The following KCNN2 variants were observed in gnomAD, a reference collection of about 807,000 sequenced individuals.
KCNN2 encodes small conductance calcium-activated potassium channel protein 2.
In KCNN2, 24 loss-of-function variants were observed where a neutral mutation model predicts 55.5. The observed-to-expected ratio is 0.43, with a 90% CI of 0.31 to 0.61. The LOEUF is 0.61. Ranked by LOEUF, KCNN2 falls within the 20% of genes least tolerant of loss-of-function variation. KCNN2 has a pLI of 0.08. For synonymous variants in KCNN2, 431 were observed against 336.1 expected (o/e 1.28, Z -3.09); for missense variants, 754 against 853.6 (o/e 0.88, Z 1.45).
At chr5:114,372,206 G>T (rs116518478) in intron 2 of KCNN2, among the ~76,000 whole-genome samples, 4,481 of 152,216 alleles carry the variant, frequency 0.029, 220 homozygotes, top group African/African-American at 0.1. Flanking sequence ...GTTCTTACTT[G>T]GTTTGGATAC....
At chr5:114,133,081 G>T (rs976194219) in intron 1 of KCNN2, among the ~76,000 whole-genome samples, 1 of 152,096 alleles carries the variant, frequency 6.6e-6, no homozygotes, top group East Asian at 1.9e-4. Flanking sequence ...GTTATTTTTT[G>T]TGGTTTTACT....
chr5:114,166,239 C>T (rs1752908975), intron 1 of KCNN2, among the ~76,000 whole-genome samples: 1 of 152,088 alleles, frequency 6.6e-6, no homozygotes, highest in African/African-American at 2.4e-5. Flanking sequence ...TCTTTTGCAT[C>T]TGGCAAAGCC....
intron 2 of KCNN2, among the ~76,000 whole-genome samples, chr5:114,290,766 A>G (rs2150017407): frequency 6.6e-6 from 1 of 152,172 alleles, no homozygotes. Flanking sequence ...TGTATTCCCT[A>G]AGTTTCTTTA....
At chr5:114,182,940 T>C (rs1209670326) in intron 1 of KCNN2, among the ~76,000 whole-genome samples, 1 of 152,092 alleles carries the variant, frequency 6.6e-6, no homozygotes, top group South Asian at 2.1e-4. Context: ...TTACCTTTTT[T>C]CACAACATAG....
At chr5:114,159,382 A>T (rs1033107310) in intron 1 of KCNN2, among the ~76,000 whole-genome samples, 3 of 151,956 alleles carry the variant, frequency 2.0e-5, no homozygotes, top group African/African-American at 7.3e-5. Flanking sequence ...AAGCTTTTGG[A>T]TGTGTTGCTG....
chr5:114,069,490 A>G (rs1342123230), intron 1 of KCNN2, among the ~76,000 whole-genome samples: 1 of 151,990 alleles, frequency 6.6e-6, no homozygotes, highest in African/African-American at 2.4e-5. Flanking sequence ...AGCCTTTTAA[A>G]CCATTTGGGG....
intron 1 of KCNN2, among the ~76,000 whole-genome samples, chr5:114,092,721 C>T (rs957397667): frequency 1.3e-5 from 2 of 152,192 alleles, no homozygotes; most frequent in East Asian, 3.9e-4. Context: ...CCCACAGGCC[C>T]AACACCACTT....
intron 1 of KCNN2, among the ~76,000 whole-genome samples, chr5:114,179,723 C>G (rs1350436523): frequency 6.6e-6 from 1 of 152,098 alleles, no homozygotes; most frequent in Non-Finnish European, 1.5e-5. Context: ...CACTAGCCAC[C>G]CATTTCCTCA....
chr5:114,488,771 C>T (rs749493235), intron 6 of KCNN2, among the ~76,000 whole-genome samples: 7 of 152,144 alleles, frequency 4.6e-5, no homozygotes, highest in African/African-American at 7.2e-5. Context: ...ACACAGTAAC[C>T]CCAACACATT....
chr5:114,152,344 T>G (rs1752545533), intron 1 of KCNN2, among the ~76,000 whole-genome samples: 3 of 152,228 alleles, frequency 2.0e-5, no homozygotes. Context: ...GTCATACTAT[T>G]CTTGAAAATA....
At chr5:114,428,014 G>A (rs1759680085) in intron 3 of KCNN2, among the ~76,000 whole-genome samples, 1 of 152,168 alleles carries the variant, frequency 6.6e-6, no homozygotes, top group Non-Finnish European at 1.5e-5. Context: ...GAAGGTAAAG[G>A]AGAAAAGCTG....
intron 2 of KCNN2, among the ~76,000 whole-genome samples, chr5:114,286,351 C>T (rs1561555506): frequency 6.6e-6 from 1 of 151,996 alleles, no homozygotes; most frequent in Non-Finnish European, 1.5e-5. Context: ...AAAGGATGCT[C>T]AACATGTTAG....
At chr5:114,457,249 C>G (rs115151066) in intron 3 of KCNN2, among the ~76,000 whole-genome samples, 3,198 of 152,222 alleles carry the variant, frequency 0.021, 109 homozygotes, top group African/African-American at 0.072. Context: ...AGGCAAGACC[C>G]TCCACCAGAA....
At chr5:114,341,605 A>G (rs1757015927) in intron 2 of KCNN2, among the ~76,000 whole-genome samples, 1 of 152,164 alleles carries the variant, frequency 6.6e-6, no homozygotes, top group African/African-American at 2.4e-5. Flanking sequence ...AAAAAAAGTC[A>G]GGATATGGTT....
chr5:114,232,922 C>CTCGTTTTTTT (rs200715120), intron 2 of KCNN2, among the ~76,000 whole-genome samples: 7 of 44,032 alleles, frequency 1.6e-4, no homozygotes, highest in East Asian at 1.6e-3. Flanking sequence ...TATATTGTTT[C>CTCGTTTTTTT]TTGTTTTTTT....
chr5:114,462,773 A>G (rs1761267820), intron 3 of KCNN2, among the ~76,000 whole-genome samples: 1 of 152,210 alleles, frequency 6.6e-6, no homozygotes, highest in Admixed American at 6.5e-5. Context: ...GGAGGAGTCT[A>G]CAAAGATAAA....
chr5:114,406,346 C>A (rs1362078185), intron 3 of KCNN2, among the ~76,000 whole-genome samples: 1 of 144,596 alleles, frequency 6.9e-6, no homozygotes. Context: ...TTTTTTTTTT[C>A]CCCGTATATA....
At chr5:114,060,154 T>G (rs1363106292) in intron 1 of KCNN2, among the ~76,000 whole-genome samples, 4 of 152,242 alleles carry the variant, frequency 2.6e-5, no homozygotes, top group African/African-American at 9.6e-5. Context: ...GCTATGAGTA[T>G]GCAGCACTTA....
At chr5:114,411,671 A>C (rs936408015) in intron 3 of KCNN2, among the ~76,000 whole-genome samples, 1 of 152,002 alleles carries the variant, frequency 6.6e-6, no homozygotes, top group Non-Finnish European at 1.5e-5. Context: ...AGAGAGAGAG[A>C]GGGGGCGGGA....
Sources: allele counts gnomAD v4.1 joint callset (sites outside exome capture counted in the v4.1 genomes callset), GRCh38; gene constraint gnomAD v4.1.1; transcripts MANE v1.5; gene names NCBI Gene and HGNC (gene_info 2026-07-23, HGNC 2026-07-21).